The following OTOG variants were observed in gnomAD, a reference collection of about 807,000 sequenced individuals.
OTOG encodes otogelin.
OTOG carries 296 observed loss-of-function variants against 313.8 expected under a neutral mutation model. That is an observed-to-expected ratio of 0.94 (90% CI 0.86 to 1.04). The LOEUF is 1.04. Ranked by LOEUF, OTOG falls within the 50% of genes least tolerant of loss-of-function variation. The pLI is 0.00. For missense variants in OTOG, 3,948 were observed against 3,840.1 expected, an observed-to-expected ratio of 1.03 and a Z score of -0.74; for synonymous variants, 1,533 against 1,554.9, an observed-to-expected ratio of 0.99 and a Z score of 0.33.
chr11:17,559,251 T>C (rs982370973), intron 11 of OTOG, 90 bp downstream of exon 11: 14 of 1,070,384 alleles, frequency 1.3e-5, no homozygotes, highest in Non-Finnish European at 1.7e-5. Context: ...CTGCTCAGAA[T>C]CACAGTTATC....
intron 33 of OTOG, 116 bp downstream of exon 33, chr11:17,606,251 C>T (rs1169216876): frequency 5.3e-6 from 7 of 1,315,668 alleles, no homozygotes; most frequent in African/African-American, 4.5e-5. Context: ...TCCTCCTTCT[C>T]CTGGCACAGG....
At chr11:17,639,004 G>T in intron 48 of OTOG, 1 of 360,942 alleles carries the variant, frequency 2.8e-6, no homozygotes, top group South Asian at 2.3e-5. Context: ...AGTGAGTCAA[G>T]ATAGCGCCAC....
At position 17,548,173 on chromosome 11, in the gene OTOG, C is replaced by T. The variant is rs1304897964; in HGVS notation, c.177C>T (p.Thr59=). ...CCAGCAGCAGCCACCAGGAGGCGAC[C>T]CTTGCCATGGGGGACAAGGCTACAG... is the stretch of plus-strand genomic sequence containing the variant. ...GQPSSSHQEA[T]LAMGDKATVV... is the part of the protein sequence containing the mutation. Residue 59 remains threonine (T), a synonymous_variant, in exon 3 of 56, where the codon ACC becomes ACT. Coordinates refer to ENST00000399397, the MANE Select transcript of OTOG (RefSeq NM_001292063.2). The T allele has an allele frequency of 5.2e-6, 8 of 1,547,786 alleles. No homozygotes were observed. Among genetic ancestry groups the T allele is most frequent in the Non-Finnish European group, 7.0e-6 (8 of 1,145,356 alleles).
In OTOG at chr11:17,564,677, C is replaced by T. The variant is rs1275965120; in HGVS notation, c.1644+2870C>T. On this transcript the variant is annotated intron_variant, in intron 15 of 55. Coordinates refer to ENST00000399397, the MANE Select transcript of OTOG (RefSeq NM_001292063.2). ...ACATTCACAGAGAGGATGATAATGACAATGATAAAATATTTGCACAGTGCC... is the reference window on the plus strand; with the variant it reads ...ACATTCACAGAGAGGATGATAATGATAATGATAAAATATTTGCACAGTGCC... Among the ~76,000 whole-genome samples the T allele has an allele frequency of 2.0e-5, 3 of 152,164 alleles. No homozygotes were observed. The South Asian group carries it at 6.2e-4, about 32-fold the overall frequency.
At chr11:17,552,577 C>A (rs370582567) in intron 4 of OTOG, among the ~76,000 whole-genome samples, 17 of 136,116 alleles carry the variant, frequency 1.2e-4, no homozygotes, top group African/African-American at 3.3e-4. Flanking sequence ...CCCCACCTGT[C>A]CTGTGTCTCC....
At chr11:17,566,599 T>A (rs781504743) in intron 15 of OTOG, among the ~76,000 whole-genome samples, 7 of 152,246 alleles carry the variant, frequency 4.6e-5, no homozygotes, top group Non-Finnish European at 1.0e-4. Flanking sequence ...TCCTCTTGCT[T>A]ATCTGTAAAC....
intron 23 of OTOG, among the ~76,000 whole-genome samples, chr11:17,585,863 A>G (rs990477519): frequency 6.6e-6 from 1 of 152,208 alleles, no homozygotes; most frequent in Non-Finnish European, 1.5e-5. Context: ...TAGGAAGGTT[A>G]AGTAACTTGT....
chr11:17,623,956 T>C (rs186581113), intron 39 of OTOG, among the ~76,000 whole-genome samples: 2 of 152,362 alleles, frequency 1.3e-5, no homozygotes, highest in Admixed American at 1.3e-4. Context: ...TCTTGAGAAG[T>C]GTCTGTTCAT....
At chr11:17,614,871 G>T (rs560685712) in intron 39 of OTOG, among the ~76,000 whole-genome samples, 44 of 152,314 alleles carry the variant, frequency 2.9e-4, no homozygotes, top group African/African-American at 1.0e-3. Flanking sequence ...CAGGTTTTGT[G>T]TAGATAAAGC....
chr11:17,553,694 C>T (rs565205567), intron 6 of OTOG, among the ~76,000 whole-genome samples, 175 bp downstream of exon 6: 44 of 152,346 alleles, frequency 2.9e-4, no homozygotes, highest in East Asian at 3.9e-4. Flanking sequence ...CCACAGCTCT[C>T]GCTCACCCAC....
At chr11:17,613,784 G>C in intron 39 of OTOG, 83 bp downstream of exon 39, 2 of 1,200,622 alleles carry the variant, frequency 1.7e-6, no homozygotes, top group Non-Finnish European at 2.4e-6. Flanking sequence ...GGGGCTGTGA[G>C]GCTGAATCAT....
chr11:17,600,049 T>G (rs1207817638), intron 31 of OTOG, among the ~76,000 whole-genome samples: 1 of 152,236 alleles, frequency 6.6e-6, no homozygotes, highest in African/African-American at 2.4e-5. Context: ...AACATCACCT[T>G]GGGTTCCCCG....
At position 17,633,986 on chromosome 11, in the gene OTOG, C is replaced by T. The variant is rs1459088341; in HGVS notation, c.7268-83C>T. ...TCCTTTCAGGTCTGCTTAGGGGTGG[C>T]CAGTAAACCAGGGAGAGTCTAGCCT... On this transcript the variant is annotated intron_variant, in intron 43 of 55. Coordinates refer to ENST00000399397, the MANE Select transcript of OTOG (RefSeq NM_001292063.2). 3.6e-5 allele frequency: 54 copies of T among 1,484,432 alleles called. 1 individual carries two copies. The highest frequency in any genetic ancestry group is 5.5e-5 in the African/African-American group (4 of 72,146). 92.0% of individuals were successfully genotyped at this position (1,484,432 alleles called of 1,614,324 possible).
intron 23 of OTOG, among the ~76,000 whole-genome samples, chr11:17,580,549 G>A (rs951100966): frequency 2.0e-5 from 3 of 152,228 alleles, no homozygotes; most frequent in Non-Finnish European, 4.4e-5. Context: ...CCCCATGATG[G>A]GCACACAGCA....
At chr11:17,560,270 A>C (rs1852153460) in intron 12 of OTOG, among the ~76,000 whole-genome samples, 1 of 152,240 alleles carries the variant, frequency 6.6e-6, no homozygotes, top group Non-Finnish European at 1.5e-5. Context: ...CTGGTTTCAG[A>C]GATATCACGC....
Position 17,558,212 on chromosome 11 carries a change from T to C in OTOG, c.893T>C (p.Phe298Ser), listed in dbSNP as rs764887047. Residue 298 changes from phenylalanine (F) to serine (S), a missense_variant, in exon 9 of 56, where the codon TTT becomes TCT. Transcript: ENST00000399397. The stretch of plus-strand genomic sequence containing the variant: ...AAGCTGACTGACGACGTGGTTGAGT[T>C]TGTGCACAGCTGGCAGGAGCAGGCC... ...SGKLTDDVVE[F>S]VHSWQEQAPN... The C allele has an allele frequency of 1.9e-5, 30 of 1,550,370 alleles. No homozygotes were observed. The highest frequency in any genetic ancestry group is 2.6e-6 in the Non-Finnish European group (3 of 1,146,956).
At chr11:17,624,791 T>C (rs1853946599) in intron 39 of OTOG, among the ~76,000 whole-genome samples, 1 of 152,202 alleles carries the variant, frequency 6.6e-6, no homozygotes, top group Non-Finnish European at 1.5e-5. Flanking sequence ...TCAATGAGCA[T>C]GGACAGTTTT....
At position 17,596,298 on chromosome 11, in the gene OTOG, C is replaced by T. The variant is rs574488747; in HGVS notation, c.3525+144C>T. ...GCCTCTGCCATTCCCCTGCCTCCAG[C>T]CAGCTCAGATGAGTCCGTCCTATTT... On this transcript the variant is annotated intron_variant, in intron 29 of 55. Transcript: ENST00000399397. 7 of 666,822 alleles carry T rather than the reference C, an allele frequency of 1.0e-5. No homozygotes were observed. The South Asian group carries it at 1.1e-4, about 10-fold the overall frequency. The allele number at this position is 666,822 out of a possible 1,614,324, so 41.3% of individuals were successfully genotyped here.
At chr11:17,641,385 C>T (rs1466926746) in intron 51 of OTOG, among the ~76,000 whole-genome samples, 4 of 152,158 alleles carry the variant, frequency 2.6e-5, no homozygotes, top group South Asian at 2.1e-4. Context: ...CTTTGGTTTG[C>T]GTGCTTGTGT....
Sources: allele counts gnomAD v4.1 joint callset (sites outside exome capture counted in the v4.1 genomes callset), GRCh38; gene constraint gnomAD v4.1.1; transcripts MANE v1.5; gene names NCBI Gene and HGNC (gene_info 2026-07-23, HGNC 2026-07-21).